NOS1: variants seen among roughly 807,000 people sequenced by gnomAD.
NOS1 encodes NOS type I.
A neutral mutation model predicts 164.5 loss-of-function variants in NOS1; 51 were observed. That is an observed-to-expected ratio of 0.31 (90% CI 0.25 to 0.39). NOS1 has a LOEUF of 0.39. NOS1 is among the 10% of genes least tolerant of loss of function. The pLI, the probability that NOS1 is intolerant of heterozygous loss-of-function variation, is 1.00. For missense variants in NOS1, 1,362 were observed against 1,885.6 expected (o/e 0.72, Z 5.14); for synonymous variants, 719 against 745.8 (o/e 0.96, Z 0.59).
At chr12:117,349,267 T>A (rs1393158366) in intron 1 of NOS1, among the ~76,000 whole-genome samples, 1 of 152,256 alleles carries the variant, frequency 6.6e-6, no homozygotes, top group African/African-American at 2.4e-5. Flanking sequence ...GCTTTTGAGG[T>A]TCATCCATGT....
At chr12:117,253,987 C>T (rs1871270354) in intron 16 of NOS1, among the ~76,000 whole-genome samples, 1 of 152,130 alleles carries the variant, frequency 6.6e-6, no homozygotes, top group South Asian at 2.1e-4. Context: ...AGGTTTCTGG[C>T]CATGCTTAAC....
chr12:117,315,979 G>T (rs1360276588), intron 2 of NOS1, among the ~76,000 whole-genome samples: 1 of 152,186 alleles, frequency 6.6e-6, no homozygotes, highest in Non-Finnish European at 1.5e-5. Context: ...AACTTCCTGT[G>T]ATGATGGAAA....
chr12:117,337,939 G>A (rs1307523320), intron 1 of NOS1, among the ~76,000 whole-genome samples: 1 of 152,124 alleles, frequency 6.6e-6, no homozygotes, highest in Non-Finnish European at 1.5e-5. Context: ...ATTTGGACAG[G>A]CGCGGTGGCT....
At position 117,258,400 on chromosome 12, in the gene NOS1, C is replaced by G; in HGVS notation, c.2528G>C (p.Arg843Thr). The G allele has an allele frequency of 1.9e-6, 3 of 1,614,162 alleles. No homozygotes were observed. Among genetic ancestry groups the G allele is most frequent in the Non-Finnish European group, 2.5e-6 (3 of 1,180,024 alleles). The change falls in exon 16 of 29, where the codon AGG (arginine) becomes ACG (threonine). Residue 843 changes from arginine (R) to threonine (T), a missense_variant. Arg to Thr is a moderately conservative substitution (Grantham distance 71). Coordinates refer to ENST00000317775, the MANE Select transcript of NOS1 (RefSeq NM_000620.5). Reference protein sequence around the residue: ...MRHPNSVQEERKSYKVRFNSV... With the variant: ...MRHPNSVQEETKSYKVRFNSV... ...GTCGGAGGGGTCATTCACTTACTTC[C>G]TTTCTTCCTGCACAGAGTTGGGGTG...
chr12:117,232,576 C>G (rs748471040), intron 21 of NOS1, among the ~76,000 whole-genome samples: 3 of 152,088 alleles, frequency 2.0e-5, no homozygotes, highest in Non-Finnish European at 4.4e-5. Flanking sequence ...TATATTAGCT[C>G]ATTTAATCAT....
intron 1 of NOS1, chr12:117,347,961 T>C (rs945736878): frequency 9.9e-5 from 15 of 151,838 alleles, no homozygotes; most frequent in Middle Eastern, 3.4e-3. Context: ...AGGAGCTGAG[T>C]GGAATGCAAC....
rs748287103 is a variant in NOS1, at chr12:117,260,622, G to C, written c.2223-13C>G. The C allele has an allele frequency of 1.2e-6, 2 of 1,604,764 alleles. No homozygotes were observed. The highest frequency in any genetic ancestry group is 2.2e-5 in the East Asian group (1 of 44,568). ...GAACTTGACAGCTCTGGAGGGAAGA[G>C]GATGGAGATGAAAAATGGGCAACAG... On this transcript the variant is annotated splice_polypyrimidine_tract_variant and intron_variant, in intron 13 of 28. Coordinates refer to ENST00000317775, the MANE Select transcript of NOS1 (RefSeq NM_000620.5).
intron 16 of NOS1, among the ~76,000 whole-genome samples, chr12:117,257,924 C>A (rs1413697273): frequency 6.6e-6 from 1 of 151,770 alleles, no homozygotes; most frequent in Non-Finnish European, 1.5e-5. Context: ...CCCGCCTCAG[C>A]CTCCCGAGTA....
rs963817929 is a variant in NOS1 at position 117,208,705 on chromosome 12, TC to T, written c.*6603del. 1 of 1,027,748 alleles carries T rather than the reference TC, an allele frequency of 9.7e-7. No homozygotes were observed. Among genetic ancestry groups the T allele is most frequent in the Non-Finnish European group, 1.2e-6 (1 of 857,772 alleles). The allele number at this position is 1,027,748 out of a possible 1,614,324, so 63.7% of individuals were successfully genotyped here. On this transcript the variant is annotated 3_prime_UTR_variant, in exon 29 of 29. Transcript: ENST00000317775. ...AGTGTCTTATTGAAACAGACTGCCA[TC>T]CTCTGTTCTGGCATGGGAGGGCTTT... is the stretch of plus-strand genomic sequence containing the variant.
chr12:117,220,737 C>A (rs748366730), intron 26 of NOS1, among the ~76,000 whole-genome samples: 15 of 152,130 alleles, frequency 9.9e-5, no homozygotes, highest in Non-Finnish European at 1.6e-4. Flanking sequence ...AGGTGAGGGG[C>A]TGCCAGCTTC....
intron 9 of NOS1, among the ~76,000 whole-genome samples, chr12:117,275,556 T>C (rs1873116480): frequency 6.6e-6 from 1 of 152,040 alleles, no homozygotes; most frequent in Non-Finnish European, 1.5e-5. Flanking sequence ...AAATTATAGC[T>C]AGAAAGGAAT....
intron 2 of NOS1, among the ~76,000 whole-genome samples, chr12:117,324,107 C>A (rs748629562): frequency 6.6e-6 from 1 of 152,140 alleles, no homozygotes; most frequent in Non-Finnish European, 1.5e-5. Flanking sequence ...CACTATGAGG[C>A]TTCTAGGTAG....
At chr12:117,285,383 T>TC (rs1370194498) in intron 6 of NOS1, 51 bp from the exon 7 acceptor site, 1 of 1,262,064 alleles carries the variant, frequency 7.9e-7, no homozygotes, top group African/African-American at 1.5e-5. Flanking sequence ...CCTCCCCAGC[T>TC]CCCCCAGCGC....
chr12:117,340,747 C>T (rs756026337), intron 1 of NOS1, among the ~76,000 whole-genome samples: 47 of 151,006 alleles, frequency 3.1e-4, no homozygotes, highest in Non-Finnish European at 5.2e-4. Context: ...TTTTTTGAGA[C>T]GTAATCTTGC....
chr12:117,305,463 CA>C lies in NOS1; in HGVS notation c.852+6002del, dbSNP rs34249731. The stretch of plus-strand genomic sequence containing the variant: ...TGGGCGACTGAGTGAGACTCCATCT[CA>C]AAAAAAAAAAAAAAGAAGCTGATTC... On this transcript the variant is annotated intron_variant, in intron 3 of 28. Transcript: ENST00000317775. 2.2e-3 allele frequency among the ~76,000 whole-genome samples: 270 copies of C among 120,330 alleles called. 2 individuals are homozygous for C. Among genetic ancestry groups the C allele is most frequent in the African/African-American group, 1.3e-3 (40 of 30,166 alleles). The allele number at this position is 120,330 out of a possible 152,430, so 78.9% of individuals were successfully genotyped here.
rs750466476 is a variant in NOS1 at position 117,330,890 on chromosome 12, G to A, written c.180C>T (p.Ala60=). 81 of 1,614,008 alleles carry A rather than the reference G, an allele frequency of 5.0e-5. No individual in the cohort carries two copies. Among genetic ancestry groups the A allele is most frequent in the Non-Finnish European group, 6.4e-5 (75 of 1,180,036 alleles). ...GAAEQSGLIQ[A]GDIILAVNGR... is the part of the protein sequence containing the mutation. ...CGTTGACCGCAAGAATGATGTCTCCGGCCTGGATGAGGCCACTCTGCTCTG... is the reference window on the plus strand; with the variant it reads ...CGTTGACCGCAAGAATGATGTCTCCAGCCTGGATGAGGCCACTCTGCTCTG... The change falls in exon 2 of 29, where the codon GCC becomes GCT. Residue 60 remains alanine (A), a synonymous_variant. Coordinates refer to ENST00000317775, the MANE Select transcript of NOS1 (RefSeq NM_000620.5). This position sits in a 1 kb window ranked among gnomAD's most constrained non-coding sequence, Gnocchi z 4.6.
At chr12:117,302,858 G>T (rs3782205) in intron 3 of NOS1, among the ~76,000 whole-genome samples, 42,197 of 151,714 alleles carry the variant, frequency 0.28, 7,438 homozygotes, top group Middle Eastern at 0.4. Context: ...CAATTCCCCC[G>T]CCTCAGCCTC....
At chr12:117,357,135 C>T (rs1324200807) in intron 1 of NOS1, among the ~76,000 whole-genome samples, 1 of 152,184 alleles carries the variant, frequency 6.6e-6, no homozygotes, top group Non-Finnish European at 1.5e-5. Context: ...CTGGCCTGGG[C>T]AGCATGACAA....
chr12:117,271,194 C>A (rs1300386254), intron 10 of NOS1, among the ~76,000 whole-genome samples: 1 of 152,182 alleles, frequency 6.6e-6, no homozygotes, highest in African/African-American at 2.4e-5. Flanking sequence ...GGGATCCAGG[C>A]ATCACGAAGC....
Sources: gnomAD v4.1 joint callset for allele counts (sites outside exome capture counted in the v4.1 genomes callset) on GRCh38, gnomAD v4.1.1 for gene constraint, Gnocchi (gnomAD v3.1) non-coding constraint, MANE v1.5 for transcripts, NCBI Gene and HGNC (gene_info 2026-07-23, HGNC 2026-07-21) for gene names.